The following RBFOX1 variants were observed in gnomAD, a reference collection of about 807,000 sequenced individuals.
RBFOX1 encodes RNA binding fox-1 homolog 1.
Under a neutral mutation model 57.7 loss-of-function variants are expected in RBFOX1, and 8 were observed. The observed-to-expected ratio is 0.14, with a 90% confidence interval of 0.08 to 0.25. RBFOX1 has a LOEUF of 0.25. Among genes scored for constraint, RBFOX1 ranks in the 10% least tolerant of loss-of-function variants. The pLI is 1.00. For missense variants in RBFOX1, 611 were observed against 548.5 expected (o/e 1.11, Z -1.14); for synonymous variants, 326 against 222.4 (o/e 1.47, Z -4.15).
intron 1 of RBFOX1, among the ~76,000 whole-genome samples, chr16:5,286,971 A>G (rs1040264823): frequency 1.3e-5 from 2 of 152,222 alleles, no homozygotes; most frequent in African/African-American, 4.8e-5. Context: ...TCTAAAGAAA[A>G]AGAAAGCAAC....
chr16:5,558,773 G>A (rs1369737500), intron 2 of RBFOX1, among the ~76,000 whole-genome samples: 7 of 152,250 alleles, frequency 4.6e-5, no homozygotes, highest in African/African-American at 1.4e-4. Flanking sequence ...CCCCAATTCA[G>A]ATCAAGGTGT....
At chr16:6,669,000 G>A (rs146638237) in intron 3 of RBFOX1, among the ~76,000 whole-genome samples, 3 of 152,128 alleles carry the variant, frequency 2.0e-5, no homozygotes, top group Non-Finnish European at 2.9e-5. Context: ...TTTCTCTTCA[G>A]TTGGTGGGTT....
At chr16:5,393,488 G>A (rs2066469131) in intron 1 of RBFOX1, among the ~76,000 whole-genome samples, 1 of 152,152 alleles carries the variant, frequency 6.6e-6, no homozygotes, top group Non-Finnish European at 1.5e-5. Context: ...AGTGGGTAGG[G>A]AACTGGTGAC....
chr16:6,283,297 C>G (rs532206321), intron 1 of RBFOX1, among the ~76,000 whole-genome samples: 14 of 152,222 alleles, frequency 9.2e-5, no homozygotes, highest in African/African-American at 2.9e-4. Context: ...CTGTACCCAA[C>G]CTGGATTACA....
chr16:5,432,342 C>A (rs1425413981), intron 1 of RBFOX1, among the ~76,000 whole-genome samples: 2 of 151,176 alleles, frequency 1.3e-5, no homozygotes, highest in African/African-American at 4.8e-5. Context: ...CCAAATTAGT[C>A]ATCGTAATAG....
chr16:5,621,486 G>A (rs556969539), intron 3 of RBFOX1, among the ~76,000 whole-genome samples: 7 of 152,160 alleles, frequency 4.6e-5, no homozygotes, highest in Non-Finnish European at 8.8e-5. Flanking sequence ...AGTCATTGAT[G>A]ATGGTTGACC....
At chr16:5,462,941 C>G (rs746376642) in intron 1 of RBFOX1, among the ~76,000 whole-genome samples, 8 of 152,102 alleles carry the variant, frequency 5.3e-5, no homozygotes, top group Non-Finnish European at 7.3e-5. Context: ...ACCCAGTTAT[C>G]CATGATTTGT....
intron 1 of RBFOX1, among the ~76,000 whole-genome samples, chr16:6,153,564 C>T (rs1237134438): frequency 1.3e-5 from 2 of 152,018 alleles, no homozygotes; most frequent in Non-Finnish European, 2.9e-5. Flanking sequence ...GGGATGGAGT[C>T]TCCCTCTGTT....
At position 7,004,055 on chromosome 16, in the gene RBFOX1, C is replaced by T. The variant is rs1315832198; in HGVS notation, c.-15-48002C>T. On this transcript the variant is annotated intron_variant, in intron 3 of 15. Transcript: ENST00000550418. ...TTTGCGTGCCATCTTTGCACAGGTG[C>T]CATACCACCTTCTCTGTATCATTCT... 2.7e-5 allele frequency: 4 copies of T among 150,808 alleles called. No individual in the cohort carries two copies. In the East Asian group the frequency reaches 7.8e-4, roughly 29 times the overall value. 9.3% of individuals were successfully genotyped at this position (150,808 alleles called of 1,614,324 possible).
intron 4 of RBFOX1, among the ~76,000 whole-genome samples, chr16:7,431,898 T>A (rs1402725424): frequency 6.6e-6 from 1 of 152,204 alleles, no homozygotes; most frequent in Non-Finnish European, 1.5e-5. Context: ...ACCATCCAGT[T>A]CACAGGAGGC....
chr16:6,922,274 C>T (rs537847905), intron 3 of RBFOX1, among the ~76,000 whole-genome samples: 1 of 152,216 alleles, frequency 6.6e-6, no homozygotes, highest in Admixed American at 6.5e-5. Flanking sequence ...TTGATATAAA[C>T]TGTAACTTAT....
chr16:5,973,595 T>TCA (rs2060005378), intron 4 of RBFOX1, among the ~76,000 whole-genome samples: 1 of 152,236 alleles, frequency 6.6e-6, no homozygotes, highest in African/African-American at 2.4e-5. Context: ...TTGTGTCAGG[T>TCA]TGACTAGGCC....
chr16:5,955,833 A>G (rs2059627844), intron 4 of RBFOX1, among the ~76,000 whole-genome samples: 1 of 152,236 alleles, frequency 6.6e-6, no homozygotes, highest in Non-Finnish European at 1.5e-5. Context: ...TATATATGAC[A>G]TGTTAATGTA....
chr16:6,743,402 A>C (rs908648555), intron 3 of RBFOX1, among the ~76,000 whole-genome samples: 2 of 152,180 alleles, frequency 1.3e-5, no homozygotes, highest in African/African-American at 2.4e-5. Flanking sequence ...AATAAGATCA[A>C]ATTATAGGCT....
At chr16:6,853,994 T>A (rs1432739834) in intron 3 of RBFOX1, among the ~76,000 whole-genome samples, 1 of 152,170 alleles carries the variant, frequency 6.6e-6, no homozygotes, top group Non-Finnish European at 1.5e-5. Flanking sequence ...GCTATTAGTC[T>A]GCAGGCCAGA....
At chr16:6,917,601 C>T (rs1402748550) in intron 3 of RBFOX1, among the ~76,000 whole-genome samples, 2 of 151,268 alleles carry the variant, frequency 1.3e-5, no homozygotes, top group Admixed American at 6.6e-5. Context: ...GCTCTGACAC[C>T]GGCTCCCTTC....
chr16:6,566,956 A>T (rs112591063), intron 2 of RBFOX1, among the ~76,000 whole-genome samples: 1,770 of 152,144 alleles, frequency 0.012, 24 homozygotes, highest in Middle Eastern at 0.027. Context: ...GAATTTACAG[A>T]CTCTAAGTTA....
chr16:5,880,329 T>C (rs1322451828), intron 4 of RBFOX1, among the ~76,000 whole-genome samples: 2 of 152,158 alleles, frequency 1.3e-5, no homozygotes, highest in Non-Finnish European at 2.9e-5. Flanking sequence ...TCTTGACAGA[T>C]TTCCTTTGGT....
intron 4 of RBFOX1, among the ~76,000 whole-genome samples, chr16:7,067,846 C>A (rs1299119803): frequency 2.0e-5 from 3 of 151,768 alleles, no homozygotes; most frequent in Non-Finnish European, 1.5e-5. Flanking sequence ...TCATCCATGT[C>A]CCTACAAAGG....
Sources: allele counts gnomAD v4.1 joint callset (sites outside exome capture counted in the v4.1 genomes callset), GRCh38; gene constraint gnomAD v4.1.1; transcripts MANE v1.5; gene names NCBI Gene and HGNC (gene_info 2026-07-23, HGNC 2026-07-21).